ARID5B: variants seen among roughly 807,000 people sequenced by gnomAD.
The protein encoded by ARID5B is AT-rich interactive domain-containing protein 5B.
A neutral mutation model predicts 97.2 loss-of-function variants in ARID5B; 13 were observed. That is an observed-to-expected ratio of 0.13 (90% CI 0.09 to 0.21). ARID5B has a LOEUF of 0.21. ARID5B is among the 10% of genes least tolerant of loss of function. The probability of loss-of-function intolerance (pLI) is 1.00; values close to 1 mark genes in which losing one functional copy is unlikely to be tolerated. For synonymous variants in ARID5B, 556 were observed against 570.3 expected, an observed-to-expected ratio of 0.97 and a Z score of 0.36; for missense variants, 1,210 against 1,465.3, an observed-to-expected ratio of 0.83 and a Z score of 2.84.
At chr10:61,919,187 G>A (rs1474531140) in intron 2 of ARID5B, among the ~76,000 whole-genome samples, 1 of 152,048 alleles carries the variant, frequency 6.6e-6, no homozygotes, top group Non-Finnish European at 1.5e-5. Flanking sequence ...CCTCCACCCT[G>A]CCCTTTCATG....
intron 2 of ARID5B, among the ~76,000 whole-genome samples, chr10:61,936,296 C>A (rs1018107009): frequency 6.6e-6 from 1 of 152,150 alleles, no homozygotes; most frequent in South Asian, 2.1e-4. Flanking sequence ...AACAAATAAG[C>A]AATGAAAAAC....
At chr10:61,948,315 C>T (rs928301661) in intron 3 of ARID5B, among the ~76,000 whole-genome samples, 1 of 151,054 alleles carries the variant, frequency 6.6e-6, no homozygotes, top group Non-Finnish European at 1.5e-5. Context: ...TTCAGTTCTT[C>T]CCTAAGATGT....
chr10:61,901,760 C>G (rs756380248), intron 1 of ARID5B, 30 bp downstream of exon 1: 7 of 1,599,540 alleles, frequency 4.4e-6, no homozygotes, highest in Non-Finnish European at 6.0e-6. Context: ...TCCTCCGATC[C>G]CGGCACCCCC....
intron 6 of ARID5B, among the ~76,000 whole-genome samples, chr10:62,057,534 A>C (rs936537779): frequency 3.3e-5 from 5 of 152,194 alleles, no homozygotes; most frequent in Admixed American, 1.3e-4. Flanking sequence ...AGATATTTAT[A>C]GGCTTGAATC....
At chr10:62,087,148 A>T (rs1840297485) in intron 9 of ARID5B, among the ~76,000 whole-genome samples, 2 of 150,698 alleles carry the variant, frequency 1.3e-5, no homozygotes, top group Admixed American at 6.6e-5. Context: ...AAATACAAAA[A>T]ATTAGCCAGG....
chr10:61,940,975 T>A (rs1386611260), intron 3 of ARID5B, among the ~76,000 whole-genome samples: 42 of 72,900 alleles, frequency 5.8e-4, no homozygotes, highest in Non-Finnish European at 6.8e-4. Context: ...ATTTTTTTTT[T>A]TTTTTTTTTT....
rs1299782454 is a variant in ARID5B, at chr10:62,070,909, G to A, written c.1199+1112G>A. Among the ~76,000 whole-genome samples, 5 of 152,096 alleles carry A rather than the reference G, an allele frequency of 3.3e-5. No individual in the cohort carries two copies. The East Asian group carries it at 9.7e-4, about 29-fold the overall frequency. The stretch of plus-strand genomic sequence containing the variant: ...CACCCATTCTCACTGTATGTATAAG[G>A]TACACCACTGATGTCCTAGTACAAA... On this transcript the variant is annotated intron_variant, in intron 8 of 9. Transcript: ENST00000279873.
intron 3 of ARID5B, among the ~76,000 whole-genome samples, chr10:61,951,088 T>G (rs1271111827): frequency 1.3e-5 from 2 of 152,262 alleles, no homozygotes; most frequent in African/African-American, 2.4e-5. Flanking sequence ...AAATGTCAGA[T>G]TCACTCCTCT....
chr10:62,065,112 T>C (rs1266661825), intron 7 of ARID5B, among the ~76,000 whole-genome samples: 1 of 152,148 alleles, frequency 6.6e-6, no homozygotes, highest in Non-Finnish European at 1.5e-5. Context: ...TTGTAAGCAA[T>C]GAAAATTTTA....
chr10:61,991,866 C>T (rs1390608089), intron 3 of ARID5B, among the ~76,000 whole-genome samples: 1 of 152,010 alleles, frequency 6.6e-6, no homozygotes, highest in Non-Finnish European at 1.5e-5. Context: ...CCTGTCTCTA[C>T]TAAAAATACA....
intron 4 of ARID5B, among the ~76,000 whole-genome samples, chr10:62,042,152 T>C (rs1232043255): frequency 6.6e-6 from 1 of 152,216 alleles, no homozygotes; most frequent in Non-Finnish European, 1.5e-5. Flanking sequence ...TTGTATTATA[T>C]AGAACCATAC....
chr10:61,995,888 A>G (rs1838989137), intron 3 of ARID5B, among the ~76,000 whole-genome samples: 1 of 152,186 alleles, frequency 6.6e-6, no homozygotes, highest in Non-Finnish European at 1.5e-5. Context: ...GGGATGTCTA[A>G]TTGCAAGGTT....
At chr10:61,979,119 A>C (rs1838741816) in intron 3 of ARID5B, among the ~76,000 whole-genome samples, 1 of 149,786 alleles carries the variant, frequency 6.7e-6, no homozygotes, top group South Asian at 2.1e-4. Flanking sequence ...GGGAGACCCG[A>C]GTACACATGG....
intron 3 of ARID5B, among the ~76,000 whole-genome samples, chr10:61,957,710 A>AT (rs1838411248): frequency 6.6e-6 from 1 of 152,254 alleles, no homozygotes; most frequent in African/African-American, 2.4e-5. Context: ...ATGTTGAAAT[A>AT]ATATTTTTGA....
intron 3 of ARID5B, among the ~76,000 whole-genome samples, chr10:61,987,337 C>A (rs562102882): frequency 6.6e-5 from 10 of 152,332 alleles, no homozygotes; most frequent in Middle Eastern, 3.4e-3. Context: ...AAAAATCTAT[C>A]ATGTGCTTCG....
intron 2 of ARID5B, 95 bp from the exon 3 acceptor site, chr10:61,940,088 T>C (rs1027215438): frequency 2.8e-5 from 31 of 1,123,256 alleles, no homozygotes; most frequent in Non-Finnish European, 4.0e-5. Flanking sequence ...GTTAAACCAC[T>C]CACATGGCAT....
chr10:61,901,827 C>A (rs1232777654), intron 1 of ARID5B, 97 bp downstream of exon 1: 3 of 993,390 alleles, frequency 3.0e-6, no homozygotes, highest in Non-Finnish European at 3.1e-6. Flanking sequence ...ACACCCCCCA[C>A]AAACTTTTCA....
chr10:61,980,256 T>C (rs1379856145), intron 3 of ARID5B, among the ~76,000 whole-genome samples: 1 of 152,198 alleles, frequency 6.6e-6, no homozygotes, highest in African/African-American at 2.4e-5. Context: ...GTGCTGTCTT[T>C]ACCTGGTCAC....
chr10:62,073,077 TA>T (rs1323999825), intron 8 of ARID5B, among the ~76,000 whole-genome samples: 7 of 152,334 alleles, frequency 4.6e-5, no homozygotes, highest in Non-Finnish European at 7.3e-5. Flanking sequence ...TGTGGGCAAA[TA>T]TCTAGTCTGG....
Sources: allele counts gnomAD v4.1 joint callset (sites outside exome capture counted in the v4.1 genomes callset), GRCh38; gene constraint gnomAD v4.1.1; transcripts MANE v1.5; gene names NCBI Gene and HGNC (gene_info 2026-07-23, HGNC 2026-07-21).